THEMIS: variants seen among roughly 807,000 people sequenced by gnomAD.
THEMIS encodes thymocyte selection associated.
Under a neutral mutation model 52.6 loss-of-function variants are expected in THEMIS, and 37 were observed. That is an observed-to-expected ratio of 0.70 (90% CI 0.54 to 0.93). The LOEUF (loss-of-function observed/expected upper bound fraction) is 0.93, where lower values mean the gene tolerates loss of function less well. Ranked by LOEUF, THEMIS falls within the 40% of genes least tolerant of loss-of-function variation. The probability of loss-of-function intolerance (pLI) is 0.00; values close to 1 mark genes in which losing one functional copy is unlikely to be tolerated. For synonymous variants in THEMIS, 292 were observed against 272.7 expected (o/e 1.07, Z -0.70); for missense variants, 808 against 763.1 (o/e 1.06, Z -0.69).
rs147318637 is a variant in THEMIS at position 127,728,296 on chromosome 6, G to A, written c.1759-8473C>T. 2.7e-3 allele frequency among the ~76,000 whole-genome samples: 417 copies of A among 152,144 alleles called. 4 individuals carry two copies. The highest frequency in any genetic ancestry group is 0.026 in the South Asian group (126 of 4,826). ...CCTCTAGGTCTTATTTTTTGGGGGC[G>A]TTGTTTTGGTTTTATTTTTCATCAA... On this transcript the variant is annotated intron_variant, in intron 4 of 5. Coordinates refer to ENST00000368248, the MANE Select transcript of THEMIS (RefSeq NM_001010923.3).
chr6:127,778,909 C>T (rs1249324854), intron 4 of THEMIS, among the ~76,000 whole-genome samples: 4 of 151,250 alleles, frequency 2.6e-5, no homozygotes, highest in Non-Finnish European at 5.9e-5. Context: ...TGCTTGAACC[C>T]GGGTTTTCAT....
At chr6:127,705,907 C>A (rs533506929), downstream of THEMIS, among the ~76,000 whole-genome samples, 19 of 152,234 alleles carry the variant, frequency 1.2e-4, no homozygotes, top group East Asian at 3.3e-3. Flanking sequence ...TAGGATCAGG[C>A]TGGAAAGATT....
intron 1 of THEMIS, among the ~76,000 whole-genome samples, chr6:127,882,651 A>G (rs1195975714): frequency 6.6e-6 from 1 of 151,882 alleles, no homozygotes; most frequent in Non-Finnish European, 1.5e-5. Context: ...TTTAAATGTG[A>G]TAGGCCATAT....
the THEMIS span, among the ~76,000 whole-genome samples, chr6:127,703,044 T>G: frequency 1.1e-4 from 12 of 108,956 alleles, no homozygotes; most frequent in South Asian, 6.3e-4. Context: ...AGTTTTTTTT[T>G]TTTTTTTTTT....
intron 1 of THEMIS, among the ~76,000 whole-genome samples, chr6:127,892,366 C>T (rs886656186): frequency 2.6e-5 from 4 of 152,136 alleles, no homozygotes; most frequent in Non-Finnish European, 2.9e-5. Flanking sequence ...TAATCTGCCC[C>T]GGTCACCCTA....
intron 4 of THEMIS, among the ~76,000 whole-genome samples, chr6:127,722,934 A>G (rs1285667261): frequency 6.6e-6 from 1 of 152,036 alleles, no homozygotes; most frequent in Non-Finnish European, 1.5e-5. Context: ...TCTCCTTACT[A>G]CAAATGAACT....
At chr6:127,862,636 T>C (rs966058472) in intron 1 of THEMIS, among the ~76,000 whole-genome samples, 2 of 151,644 alleles carry the variant, frequency 1.3e-5, no homozygotes, top group African/African-American at 4.8e-5. Context: ...GCCAGGCTAG[T>C]CTTGAACTCC....
intron 1 of THEMIS, among the ~76,000 whole-genome samples, chr6:127,861,783 C>CAAAAAAAAAAAAAAA (rs1225783673): frequency 4.6e-4 from 44 of 95,662 alleles, no homozygotes; most frequent in African/African-American, 7.0e-4. Context: ...GACTCCATCT[C>CAAAAAAAAAAAAAAA]AAAAAAAAAA....
chr6:127,786,312 T>G (rs1402801095), intron 4 of THEMIS, among the ~76,000 whole-genome samples: 1 of 152,190 alleles, frequency 6.6e-6, no homozygotes, highest in Non-Finnish European at 1.5e-5. Flanking sequence ...CAGGGAATAG[T>G]CTGTGTAATG....
At chr6:127,836,252 A>C (rs1303369435) in intron 2 of THEMIS, among the ~76,000 whole-genome samples, 4 of 152,116 alleles carry the variant, frequency 2.6e-5, no homozygotes, top group Admixed American at 6.6e-5. Flanking sequence ...CTGCAAATTA[A>C]ATGTACCTAA....
Position 127,744,654 on chromosome 6 carries a change from T to C in THEMIS, c.1759-24831A>G, listed in dbSNP as rs577788713. On this transcript the variant is annotated intron_variant, in intron 4 of 5. Coordinates refer to ENST00000368248, the MANE Select transcript of THEMIS (RefSeq NM_001010923.3). ...AAACTTGTGAAAACAAGAAAAAGAA[T>C]ACTGATTGCAAGGGGATAAGAGGAG... 2.0e-4 allele frequency among the ~76,000 whole-genome samples: 31 copies of C among 152,074 alleles called. No individual in the cohort carries two copies. The South Asian group carries it at 6.4e-3, about 32-fold the overall frequency.
At chr6:127,798,782 A>C (rs998991913) in intron 4 of THEMIS, among the ~76,000 whole-genome samples, 1 of 152,044 alleles carries the variant, frequency 6.6e-6, no homozygotes, top group Non-Finnish European at 1.5e-5. Flanking sequence ...CGAGGTCAGG[A>C]GATCGAGACC....
At chr6:127,890,829 T>G (rs1017559859) in intron 1 of THEMIS, among the ~76,000 whole-genome samples, 20 of 152,114 alleles carry the variant, frequency 1.3e-4, no homozygotes, top group Admixed American at 1.2e-3. Flanking sequence ...TTTATCTTTC[T>G]TTTTTATAAT....
rs541586493 is a variant in THEMIS, at chr6:127,728,003, C to G, written c.1759-8180G>C. Reference sequence around the variant, plus strand: ...TTTTTGAAATTTCTATAGATCCAGGCATGGCTCTTCATCTTCAGGATCCCT... The same window carrying G: ...TTTTTGAAATTTCTATAGATCCAGGGATGGCTCTTCATCTTCAGGATCCCT... On this transcript the variant is annotated intron_variant, in intron 4 of 5. Coordinates refer to ENST00000368248, the MANE Select transcript of THEMIS (RefSeq NM_001010923.3). Among the ~76,000 whole-genome samples the G allele has an allele frequency of 2.0e-5, 3 of 152,292 alleles. No individual in the cohort carries two copies. In the South Asian group the frequency reaches 6.2e-4, roughly 32 times the overall value.
At chr6:127,917,744 T>C (rs1289586396) in intron 1 of THEMIS, among the ~76,000 whole-genome samples, 1 of 152,148 alleles carries the variant, frequency 6.6e-6, no homozygotes, top group Non-Finnish European at 1.5e-5. Context: ...CCCCAGAAAT[T>C]TAGAATTTGA....
intron 3 of THEMIS, among the ~76,000 whole-genome samples, chr6:127,827,677 C>T (rs9401999): frequency 0.12 from 18,199 of 152,068 alleles, 1,472 homozygotes; most frequent in East Asian, 0.35. Context: ...CTTTTTTCCC[C>T]TTCCAATAGA....
chr6:127,865,250 G>A (rs1182428803), intron 1 of THEMIS, among the ~76,000 whole-genome samples: 1 of 152,132 alleles, frequency 6.6e-6, no homozygotes, highest in Non-Finnish European at 1.5e-5. Context: ...TTGTTAGCAT[G>A]AGCTATCCAT....
chr6:127,906,799 G>A (rs1781280113), intron 1 of THEMIS, among the ~76,000 whole-genome samples: 2 of 151,810 alleles, frequency 1.3e-5, no homozygotes, highest in Admixed American at 6.6e-5. Flanking sequence ...TATCATTATT[G>A]CCAATGATTT....
In THEMIS at chr6:127,892,080, C is replaced by A. The variant is rs73773934; in HGVS notation, c.91+8762G>T. On this transcript the variant is annotated intron_variant, in intron 1 of 5. Transcript: ENST00000368248. ...TGACCACATTAGTTTACAGGTCCTA[C>A]GGGTTTCCCAGCCCCACTCTGTACC... Among the ~76,000 whole-genome samples, 748 of 152,246 alleles carry A rather than the reference C, an allele frequency of 4.9e-3. 4 individuals carry two copies. The highest frequency in any genetic ancestry group is 0.017 in the African/African-American group (708 of 41,558).
Sources: allele counts gnomAD v4.1 joint callset (sites outside exome capture counted in the v4.1 genomes callset), GRCh38; gene constraint gnomAD v4.1.1; transcripts MANE v1.5; gene names NCBI Gene and HGNC (gene_info 2026-07-23, HGNC 2026-07-21).